Variants in CREBZF observed in about 807,000 individuals in gnomAD.
CREBZF encodes CREB/ATF bZIP transcription factor, also known as HCF-binding transcription factor Zhangfei.
Under a neutral mutation model 21.1 loss-of-function variants are expected in CREBZF, and 8 were observed. That is an observed-to-expected ratio of 0.38 (90% CI 0.22 to 0.68). The LOEUF is 0.68. CREBZF is among the 30% of genes least tolerant of loss of function. The pLI, the probability that CREBZF is intolerant of heterozygous loss-of-function variation, is 0.51. For synonymous variants in CREBZF, 270 were observed against 223.3 expected (o/e 1.21, Z -1.86); for missense variants, 518 against 484.3 (o/e 1.07, Z -0.65).
chr11:85,674,862 C>A (rs750611023), intron 1 of CREBZF, among the ~76,000 whole-genome samples: 1 of 152,192 alleles, frequency 6.6e-6, no homozygotes, highest in Non-Finnish European at 1.5e-5. Context: ...GCTTTTACTT[C>A]TCATTGCTAA....
intron 1 of CREBZF, among the ~76,000 whole-genome samples, chr11:85,673,993 T>C (rs1390838213): frequency 1.3e-5 from 2 of 152,214 alleles, no homozygotes; most frequent in Non-Finnish European, 2.9e-5. Flanking sequence ...TTAATCCTAG[T>C]TCTCTTCTTA....
At chr11:85,666,275 G>C (rs2082861565), upstream of CREBZF, among the ~76,000 whole-genome samples, 2 of 152,170 alleles carry the variant, frequency 1.3e-5, no homozygotes, top group African/African-American at 2.4e-5. Context: ...CAAGGGATTT[G>C]AGATTTGAAG....
chr11:85,665,523 T>G (rs894575000), upstream of CREBZF, among the ~76,000 whole-genome samples: 2 of 149,634 alleles, frequency 1.3e-5, no homozygotes, highest in South Asian at 4.3e-4. Context: ...TTACTAATAC[T>G]ATTTAATACC....
In CREBZF at chr11:85,664,453, G is replaced by C; in HGVS notation, c.423C>G (p.Gly141=). Residue 141 remains glycine, a synonymous_variant, in exon 1 of 1, where the codon GGC becomes GGG. Coordinates refer to ENST00000527447, the MANE Select transcript of CREBZF (RefSeq NM_001039618.4). This position sits in a 1 kb window ranked among gnomAD's most constrained non-coding sequence, Gnocchi z 5.5. ...SSSGGGSDSG[G]LWRGDDDDEA... ...CATCGTCATCGTCCCCTCTCCACAGGCCGCCGCTATCCGAGCCTCCGCCAG... is the reference window on the plus strand; with the variant it reads ...CATCGTCATCGTCCCCTCTCCACAGCCCGCCGCTATCCGAGCCTCCGCCAG... 6.2e-7 allele frequency: 1 copy of C among 1,613,574 alleles called. No individual in the cohort carries two copies. The highest frequency in any genetic ancestry group is 8.5e-7 in the Non-Finnish European group (1 of 1,179,948).
chr11:85,659,902 G>A lies in CREBZF; in HGVS notation c.*3909C>T, dbSNP rs146717028. ...CAAAATATTCAGAAAACAGTATCAA[G>A]TACTCAAGAGAAAGCTCAAGAAGCC... On this transcript the variant is annotated 3_prime_UTR_variant, in exon 1 of 1. Transcript: ENST00000527447. 1 of 151,912 alleles carries A rather than the reference G, an allele frequency of 6.6e-6. No individual in the cohort carries two copies. The highest frequency in any genetic ancestry group is 1.5e-5 in the Non-Finnish European group (1 of 67,884). 9.4% of individuals were successfully genotyped at this position (151,912 alleles called of 1,614,324 possible). A position where few individuals can be genotyped will look rare whatever the true frequency, so the allele number is the denominator to read the frequency against.
chr11:85,682,838 G>T (rs1355694900), exon 1 of CREBZF: 1 of 702,366 alleles, frequency 1.4e-6, no homozygotes, highest in Admixed American at 2.0e-5. Context: ...TGGGATGGAT[G>T]AGCCGAGCTT....
upstream of CREBZF, among the ~76,000 whole-genome samples, chr11:85,669,714 A>G (rs1435560591): frequency 1.3e-5 from 2 of 152,208 alleles, no homozygotes; most frequent in Non-Finnish European, 2.9e-5. Flanking sequence ...TAAAGACAAA[A>G]AGTTGGAGCA....
upstream of CREBZF, among the ~76,000 whole-genome samples, chr11:85,667,947 G>A (rs2082883930): frequency 6.7e-6 from 1 of 150,258 alleles, no homozygotes; most frequent in South Asian, 2.1e-4. Context: ...TCTAGCCTGG[G>A]AGACAGAGTA....
rs2082793787 is a variant in CREBZF at position 85,664,480 on chromosome 11, C to G, written c.396G>C (p.Ser132=). The change falls in exon 1 of 1, where the codon TCG becomes TCC. Residue 132 remains serine (S), a synonymous_variant. Transcript: ENST00000527447. The surrounding 1 kb of genome is among the most constrained non-coding windows in gnomAD (Gnocchi z 5.5). The part of the protein sequence containing the change: ...PGLSSPGPLS[S]SGGGSDSGGL... ...CGCCGCTATCCGAGCCTCCGCCAGA[C>G]GAGGAGAGAGGCCCCGGCGAGCTAA... 3 of 1,613,552 alleles carry G rather than the reference C, an allele frequency of 1.9e-6. No homozygotes were observed. In the Admixed American group the frequency reaches 5.0e-5, roughly 27 times the overall value.
intron 1 of CREBZF, among the ~76,000 whole-genome samples, chr11:85,674,848 T>C (rs923844342): frequency 6.6e-6 from 1 of 152,246 alleles, no homozygotes; most frequent in Non-Finnish European, 1.5e-5. Context: ...AACTTGGCTG[T>C]GGTGCTTTTA....
intron 1 of CREBZF, among the ~76,000 whole-genome samples, chr11:85,671,247 A>G (rs999659190): frequency 1.3e-5 from 2 of 152,236 alleles, no homozygotes; most frequent in African/African-American, 4.8e-5. Context: ...CACTACAGTG[A>G]AAACAGCATA....
intron 1 of CREBZF, among the ~76,000 whole-genome samples, chr11:85,681,621 C>T (rs1221892490): frequency 1.3e-5 from 2 of 152,180 alleles, no homozygotes; most frequent in Non-Finnish European, 2.9e-5. Flanking sequence ...ACATTATTTG[C>T]TTTTAGGATC....
At chr11:85,669,001 C>CAA (rs61718728), upstream of CREBZF, among the ~76,000 whole-genome samples, 33 of 33,216 alleles carry the variant, frequency 9.9e-4, 5 homozygotes, top group Non-Finnish European at 1.9e-3. Context: ...GACTCCGTCT[C>CAA]AAAAAAAAAA....
upstream of CREBZF, among the ~76,000 whole-genome samples, chr11:85,665,417 A>G (rs1270546995): frequency 6.6e-6 from 1 of 151,348 alleles, no homozygotes; most frequent in Non-Finnish European, 1.5e-5. Flanking sequence ...ATGAGACACC[A>G]CACCCCTGCG....
Position 85,664,598 on chromosome 11 carries a change from C to T in CREBZF, c.278G>A (p.Gly93Glu), listed in dbSNP as rs1032507189. Residue 93 changes from glycine (G) to glutamate (E), a missense_variant, in exon 1 of 1, where the codon GGG (glycine) becomes GAG (glutamate). Coordinates refer to ENST00000527447, the MANE Select transcript of CREBZF (RefSeq NM_001039618.4). The surrounding 1 kb of genome is among the most constrained non-coding windows in gnomAD (Gnocchi z 5.5). ...MEEEAIASLP[G>E]EETEDMDFLS... is the part of the protein sequence containing the mutation. Reference sequence around the variant, plus strand: ...AAAGTCCATATCCTCCGTCTCTTCCCCCGGGAGGCTGGCGATCGCCTCCTC... The same window carrying T: ...AAAGTCCATATCCTCCGTCTCTTCCTCCGGGAGGCTGGCGATCGCCTCCTC... 1 of 1,613,832 alleles carries T rather than the reference C, an allele frequency of 6.2e-7. No individual in the cohort carries two copies. The highest frequency in any genetic ancestry group is 1.7e-5 in the Admixed American group (1 of 60,030).
At chr11:85,678,396 G>T (rs753504020) in intron 1 of CREBZF, among the ~76,000 whole-genome samples, 1 of 152,048 alleles carries the variant, frequency 6.6e-6, no homozygotes, top group Admixed American at 6.5e-5. Flanking sequence ...ACTGTCAGGG[G>T]TTTAGACTGG....
At position 85,659,825 on chromosome 11, in the gene CREBZF, A is replaced by G. The variant is rs1309506160; in HGVS notation, c.*3986T>C. Reference sequence around the variant, plus strand: ...TACTAAAGTCCTTATACAACACTAGATAAATTTTTATATAAAACAGTAGAA... The same window carrying G: ...TACTAAAGTCCTTATACAACACTAGGTAAATTTTTATATAAAACAGTAGAA... On this transcript the variant is annotated 3_prime_UTR_variant, in exon 1 of 1. Coordinates refer to ENST00000527447, the MANE Select transcript of CREBZF (RefSeq NM_001039618.4). The G allele has an allele frequency of 6.6e-6, 1 of 152,082 alleles. No homozygotes were observed. The highest frequency in any genetic ancestry group is 2.4e-5 in the African/African-American group (1 of 41,456). The allele number at this position is 152,082 out of a possible 1,614,324, so 9.4% of individuals were successfully genotyped here.
chr11:85,664,708 C>G lies in CREBZF; in HGVS notation c.168G>C (p.Gln56His), dbSNP rs1046067643. The G allele has an allele frequency of 1.2e-6, 2 of 1,605,600 alleles. No individual in the cohort carries two copies. The highest frequency in any genetic ancestry group is 2.7e-5 in the African/African-American group (2 of 74,544). The change falls in exon 1 of 1, where the codon CAG becomes CAC. Residue 56 changes from glutamine to histidine, a missense_variant. By Grantham distance (24) the Gln-to-His change is conservative (BLOSUM62 0). Coordinates refer to ENST00000527447, the MANE Select transcript of CREBZF (RefSeq NM_001039618.4). The surrounding 1 kb of genome is among the most constrained non-coding windows in gnomAD (Gnocchi z 5.5). ...CTTCCAACTCTCCTTCGTCGCCAAA[C>G]TGCTGCTTGCGGCCGGGAGATCCGG... ...AAAGSPGRKQ[Q>H]FGDEGELEAG...
rs1327187989 is a variant in CREBZF at position 85,659,831 on chromosome 11, T to C, written c.*3980A>G. ...AGTCCTTATACAACACTAGATAAATTTTTATATAAAACAGTAGAAACTAGC... is the reference window on the plus strand; with the variant it reads ...AGTCCTTATACAACACTAGATAAATCTTTATATAAAACAGTAGAAACTAGC... On this transcript the variant is annotated 3_prime_UTR_variant, in exon 1 of 1. Coordinates refer to ENST00000527447, the MANE Select transcript of CREBZF (RefSeq NM_001039618.4). 2.0e-5 allele frequency: 3 copies of C among 152,006 alleles called. No homozygotes were observed. Among genetic ancestry groups the C allele is most frequent in the African/African-American group, 7.2e-5 (3 of 41,410 alleles). 9.4% of individuals were successfully genotyped at this position (152,006 alleles called of 1,614,324 possible).
Sources: gnomAD v4.1 joint callset for allele counts (sites outside exome capture counted in the v4.1 genomes callset) on GRCh38, gnomAD v4.1.1 for gene constraint, Gnocchi (gnomAD v3.1) non-coding constraint, MANE v1.5 for transcripts, NCBI Gene and HGNC (gene_info 2026-07-23, HGNC 2026-07-21) for gene names.